Variants in ROBO2 observed in about 807,000 individuals in gnomAD.
ROBO2 encodes roundabout guidance receptor 2, also known as roundabout homolog 2.
In ROBO2, 53 loss-of-function variants were observed where a neutral mutation model predicts 160.8. The observed-to-expected ratio is 0.33, with a 90% confidence interval of 0.26 to 0.41. The LOEUF is 0.41. Among genes scored for constraint, ROBO2 ranks in the 10% least tolerant of loss-of-function variants. The pLI, the probability that ROBO2 is intolerant of heterozygous loss-of-function variation, is 1.00. For synonymous variants in ROBO2, 664 were observed against 611.7 expected, an observed-to-expected ratio of 1.09 and a Z score of -1.26; for missense variants, 1,577 against 1,722.4, an observed-to-expected ratio of 0.92 and a Z score of 1.49.
chr3:76,733,401 T>G (rs2093665112), intron 2 of ROBO2, among the ~76,000 whole-genome samples: 1 of 152,138 alleles, frequency 6.6e-6, no homozygotes, highest in Admixed American at 6.5e-5. Flanking sequence ...AAAACAAAAT[T>G]GAGAAAGGAC....
intron 2 of ROBO2, among the ~76,000 whole-genome samples, chr3:76,268,485 T>C (rs1707231247): frequency 6.6e-6 from 1 of 152,064 alleles, no homozygotes; most frequent in Admixed American, 6.6e-5. Context: ...AGGCCTCTCC[T>C]TCTCACTTGC....
intron 2 of ROBO2, among the ~76,000 whole-genome samples, chr3:76,197,999 T>C (rs575897447): frequency 7.2e-5 from 11 of 152,262 alleles, no homozygotes; most frequent in African/African-American, 2.6e-4. Context: ...ACTCTTAATA[T>C]CTGAATCTCA....
At chr3:75,992,224 T>C (rs1466710795) in intron 2 of ROBO2, among the ~76,000 whole-genome samples, 2 of 152,044 alleles carry the variant, frequency 1.3e-5, no homozygotes, top group African/African-American at 4.8e-5. Flanking sequence ...TGAAAGGTCT[T>C]TGTGGTAGCC....
chr3:76,138,331 A>G (rs962302897), intron 2 of ROBO2, among the ~76,000 whole-genome samples: 2 of 152,078 alleles, frequency 1.3e-5, no homozygotes, highest in Admixed American at 1.3e-4. Flanking sequence ...AATTTGAGCT[A>G]GAAGAACAAA....
At chr3:77,118,036 A>G (rs1293408412) in intron 2 of ROBO2, among the ~76,000 whole-genome samples, 1 of 152,226 alleles carries the variant, frequency 6.6e-6, no homozygotes, top group Non-Finnish European at 1.5e-5. Flanking sequence ...CATTAAATTG[A>G]AAGGCCCTTT....
intron 2 of ROBO2, among the ~76,000 whole-genome samples, chr3:77,276,850 A>T (rs1482871679): frequency 6.6e-6 from 1 of 152,208 alleles, no homozygotes; most frequent in East Asian, 1.9e-4. Flanking sequence ...GTCACATATT[A>T]CATGGTGGCA....
chr3:77,293,305 A>G (rs1287709348), intron 2 of ROBO2, among the ~76,000 whole-genome samples: 3 of 148,364 alleles, frequency 2.0e-5, no homozygotes, highest in Admixed American at 2.0e-4. Context: ...AGTAAAATTG[A>G]TGGTTAAACG....
chr3:77,470,680 A>G (rs2083266566), intron 2 of ROBO2, among the ~76,000 whole-genome samples: 1 of 152,206 alleles, frequency 6.6e-6, no homozygotes, highest in Non-Finnish European at 1.5e-5. Flanking sequence ...TTCTTACTGA[A>G]AATCAGCACA....
intron 2 of ROBO2, among the ~76,000 whole-genome samples, chr3:77,430,233 A>C (rs1238188077): frequency 6.6e-6 from 1 of 152,110 alleles, no homozygotes; most frequent in African/African-American, 2.4e-5. Context: ...GGGGAGCTAA[A>C]GGTCTACATG....
intron 2 of ROBO2, among the ~76,000 whole-genome samples, chr3:76,063,804 C>T (rs1054920143): frequency 1.3e-5 from 2 of 152,146 alleles, no homozygotes; most frequent in Non-Finnish European, 2.9e-5. Flanking sequence ...GTTTAATACC[C>T]TACCTTTAAG....
At chr3:76,964,661 A>G (rs1453291432) in intron 2 of ROBO2, among the ~76,000 whole-genome samples, 1 of 152,140 alleles carries the variant, frequency 6.6e-6, no homozygotes, top group Admixed American at 6.5e-5. Context: ...TAAAATAATA[A>G]AGTTTGATTC....
At chr3:75,943,370 A>G (rs993484696) in intron 2 of ROBO2, among the ~76,000 whole-genome samples, 9 of 152,190 alleles carry the variant, frequency 5.9e-5, no homozygotes, top group Non-Finnish European at 1.3e-4. Context: ...TTATTTAGGA[A>G]AAATATTTTA....
chr3:76,848,093 AC>A (rs1303034558), intron 2 of ROBO2, among the ~76,000 whole-genome samples: 1 of 152,154 alleles, frequency 6.6e-6, no homozygotes, highest in Non-Finnish European at 1.5e-5. Context: ...GTAGAAAAAA[AC>A]ACCTCATCTC....
chr3:76,854,005 A>AAAAGC (rs1399138159), intron 2 of ROBO2, among the ~76,000 whole-genome samples: 1 of 150,850 alleles, frequency 6.6e-6, no homozygotes, highest in Non-Finnish European at 1.5e-5. Flanking sequence ...ATGGACAGCC[A>AAAAGC]AAAGCATAGA....
intron 2 of ROBO2, among the ~76,000 whole-genome samples, chr3:77,155,052 AAAATAAAT>A (rs752547824): frequency 1.8e-4 from 27 of 151,430 alleles, no homozygotes; most frequent in South Asian, 6.2e-4. Context: ...TAAATTTGGG[AAAATAAAT>A]AAATAAATAA....
chr3:76,817,148 G>A (rs1170217496), intron 2 of ROBO2, among the ~76,000 whole-genome samples: 3 of 151,946 alleles, frequency 2.0e-5, no homozygotes, highest in Non-Finnish European at 2.9e-5. Flanking sequence ...AAACCACCAC[G>A]GCACATGTAT....
chr3:76,202,150 A>G (rs929596106), intron 2 of ROBO2, among the ~76,000 whole-genome samples: 3 of 152,138 alleles, frequency 2.0e-5, no homozygotes, highest in African/African-American at 7.2e-5. Flanking sequence ...CATCTTCACA[A>G]TATTTTCCAC....
At chr3:77,612,485 T>A (rs1012845040) in intron 21 of ROBO2, among the ~76,000 whole-genome samples, 1 of 152,184 alleles carries the variant, frequency 6.6e-6, no homozygotes, top group East Asian at 1.9e-4. Flanking sequence ...TCTTCCAGGT[T>A]CTTCTAGTCT....
intron 1 of ROBO2, among the ~76,000 whole-genome samples, chr3:75,917,372 G>A (rs913030718): frequency 2.0e-5 from 3 of 152,004 alleles, no homozygotes; most frequent in Admixed American, 1.3e-4. Flanking sequence ...TGAACTCATC[G>A]TTTTTTATGG....
Sources: allele counts gnomAD v4.1 joint callset (sites outside exome capture counted in the v4.1 genomes callset), GRCh38; gene constraint gnomAD v4.1.1; transcripts MANE v1.5; gene names NCBI Gene and HGNC (gene_info 2026-07-23, HGNC 2026-07-21).